The following MMRN2 variants were observed in gnomAD, a reference collection of about 807,000 sequenced individuals.
The protein encoded by MMRN2 is multimerin 2.
MMRN2 carries 53 observed loss-of-function variants against 68.8 expected under a neutral mutation model. The observed-to-expected ratio is 0.77, with a 90% CI of 0.62 to 0.97. The LOEUF (loss-of-function observed/expected upper bound fraction) is 0.97, where lower values mean the gene tolerates loss of function less well. MMRN2 is among the 50% of genes least tolerant of loss of function. MMRN2 has a pLI of 0.00. For missense variants in MMRN2, 1,266 were observed against 1,259.5 expected (o/e 1.01, Z -0.08); for synonymous variants, 564 against 551.6 (o/e 1.02, Z -0.32).
chr10:86,956,441 C>A (rs558701281), intron 1 of MMRN2, among the ~76,000 whole-genome samples: 2 of 152,216 alleles, frequency 1.3e-5, no homozygotes, highest in African/African-American at 4.8e-5. Context: ...TTGGCCCCCC[C>A]CTCACTCCCT....
intron 1 of MMRN2, among the ~76,000 whole-genome samples, chr10:86,946,099 C>T (rs544809525): frequency 5.9e-5 from 9 of 152,366 alleles, no homozygotes; most frequent in South Asian, 4.1e-4. Flanking sequence ...AGAAAGCTCT[C>T]GCTGTTTCTC....
In MMRN2 at chr10:86,936,907, G is replaced by C; in HGVS notation, c.2686C>G (p.Pro896Ala). The change falls in exon 7 of 7, where the codon CCA becomes GCA. Residue 896 changes from proline (P) to alanine (A), a missense_variant. Coordinates refer to ENST00000372027, the MANE Select transcript of MMRN2 (RefSeq NM_024756.3). The part of the protein sequence containing the change: ...QLVFGGHHRT[P>A]VCTTGQGSGS... ...CTCCCCTGCCCAGTGGTACAGACTGGAGTCCGATGGTGACCTCCAAACACC... is the reference window on the plus strand; with the variant it reads ...CTCCCCTGCCCAGTGGTACAGACTGCAGTCCGATGGTGACCTCCAAACACC... 1.9e-6 allele frequency: 3 copies of C among 1,614,230 alleles called. No individual in the cohort carries two copies. The highest frequency in any genetic ancestry group is 2.5e-6 in the Non-Finnish European group (3 of 1,180,032).
chr10:86,943,452 A>G lies in MMRN2; in HGVS notation c.1332T>C (p.Arg444=). 1 of 1,614,096 alleles carries G rather than the reference A, an allele frequency of 6.2e-7. No individual in the cohort carries two copies. The change falls in exon 6 of 7, where the codon CGT becomes CGC. Residue 444 remains arginine, a synonymous_variant. Coordinates refer to ENST00000372027, the MANE Select transcript of MMRN2 (RefSeq NM_024756.3). The surrounding 1 kb of genome is among the most constrained non-coding windows in gnomAD (Gnocchi z 4.2). ...TCTCCATCAGGATCACGCGCAGCTC[A>G]CGGAGCGCCGTGTGGTTCACCTGCA... ...EELQVNHTAL[R]ELRVILMEKS...
In MMRN2 at chr10:86,943,008, C is replaced by T. The variant is rs750323990; in HGVS notation, c.1776G>A (p.Leu592=). The T allele has an allele frequency of 4.3e-6, 6 of 1,411,366 alleles. No homozygotes were observed. The African/African-American group carries it at 7.6e-5, about 18-fold the overall frequency. The allele number at this position is 1,411,366 out of a possible 1,614,324, so 87.4% of individuals were successfully genotyped here. ...CCAGCAGGGCGGCGAAGGCGCTGTG[C>T]AGCTGGCGCACCTCGTGGCGGGCCT... ...AAEARHEVRQ[L]HSAFAALLED... The change falls in exon 6 of 7, where the codon CTG becomes CTA. Residue 592 remains leucine, a synonymous_variant. Transcript: ENST00000372027. This position sits in a 1 kb window ranked among gnomAD's most constrained non-coding sequence, Gnocchi z 4.2.
At chr10:86,942,076 G>C (rs1873992) in intron 6 of MMRN2, among the ~76,000 whole-genome samples, 3,119 of 152,282 alleles carry the variant, frequency 0.02, 108 homozygotes, top group African/African-American at 0.072. Flanking sequence ...TCCAGGCTAT[G>C]CCGCTCACGG....
At chr10:86,955,063 C>T (rs1039547241) in intron 1 of MMRN2, among the ~76,000 whole-genome samples, 5 of 152,216 alleles carry the variant, frequency 3.3e-5, no homozygotes, top group African/African-American at 1.2e-4. Flanking sequence ...ATCCCCTACA[C>T]GGCCACCCTC....
At position 86,942,528 on chromosome 10, in the gene MMRN2, G is replaced by A; in HGVS notation, c.2256C>T (p.His752=). ...RSLEQHQRLF[H]SLFGNFQGLM... ...GCCCTTGGAAGTTCCCAAAGAGGCT[G>A]TGGAAGAGCCGCTGGTGCTGCTCCA... is the stretch of plus-strand genomic sequence containing the variant. Residue 752 remains histidine (H), a synonymous_variant, in exon 6 of 7, where the codon CAC becomes CAT. Transcript: ENST00000372027. The A allele has an allele frequency of 1.2e-6, 2 of 1,613,790 alleles. No individual in the cohort carries two copies. Among genetic ancestry groups the A allele is most frequent in the South Asian group, 1.1e-5 (1 of 91,084 alleles).
chr10:86,941,838 CA>C (rs796814379), intron 6 of MMRN2, among the ~76,000 whole-genome samples: 15 of 29,378 alleles, frequency 5.1e-4, no homozygotes, highest in African/African-American at 1.1e-3. Context: ...AAAAAAAAAA[CA>C]AAAAAAAAAC....
In MMRN2 at chr10:86,936,941, G is replaced by A. The variant is rs61740815; in HGVS notation, c.2652C>T (p.Thr884=). 4,529 of 1,614,204 alleles carry A rather than the reference G, an allele frequency of 2.8e-3. 119 individuals carry two copies. In the African/African-American group the frequency reaches 0.054, roughly 19 times the overall value. Residue 884 remains threonine, a synonymous_variant, in exon 7 of 7, where the codon ACC becomes ACT. Transcript: ENST00000372027. Reference sequence around the variant, plus strand: ...GGTGACCTCCAAACACCAGCTGCCCGGTGCCTGGCCCTGGGCCAAATTCAA... The same window carrying A: ...GGTGACCTCCAAACACCAGCTGCCCAGTGCCTGGCCCTGGGCCAAATTCAA... ...VSVEFGPGPG[T]GQLVFGGHHR... is the part of the protein sequence containing the mutation.
In MMRN2 at chr10:86,936,330, GTCTT is replaced by G. The variant is rs1221581042; in HGVS notation, c.*409_*412del. The G allele has an allele frequency of 2.1e-5, 9 of 424,156 alleles. No homozygotes were observed. Among genetic ancestry groups the G allele is most frequent in the Non-Finnish European group, 3.7e-5 (9 of 240,940 alleles). 26.3% of individuals were successfully genotyped at this position (424,156 alleles called of 1,614,324 possible). On this transcript the variant is annotated 3_prime_UTR_variant, in exon 7 of 7. Coordinates refer to ENST00000372027, the MANE Select transcript of MMRN2 (RefSeq NM_024756.3). ...TTAAACATTCCTCCTGGGGAAGAATGTCTTTCTATCATACGATAAGGGAGAAGAG... is the reference window on the plus strand; with the variant it reads ...TTAAACATTCCTCCTGGGGAAGAATGTCTATCATACGATAAGGGAGAAGAG...
In MMRN2 at chr10:86,936,556, C is replaced by A; in HGVS notation, c.*187G>T. 1 of 678,052 alleles carries A rather than the reference C, an allele frequency of 1.5e-6. No homozygotes were observed. Among genetic ancestry groups the A allele is most frequent in the South Asian group, 1.9e-5 (1 of 53,158 alleles). The allele number at this position is 678,052 out of a possible 1,614,324, so 42.0% of individuals were successfully genotyped here. ...TGCCCGGAGAAGCATTCCAGTCCTTCTCATCATGGAGAAATGGCCAAGCCC... is the reference window on the plus strand; with the variant it reads ...TGCCCGGAGAAGCATTCCAGTCCTTATCATCATGGAGAAATGGCCAAGCCC... On this transcript the variant is annotated 3_prime_UTR_variant, in exon 7 of 7. Transcript: ENST00000372027.
chr10:86,939,335 G>C (rs894266757), intron 6 of MMRN2, among the ~76,000 whole-genome samples: 9 of 145,926 alleles, frequency 6.2e-5, no homozygotes, highest in African/African-American at 2.3e-4. Flanking sequence ...GGTGGCAGGC[G>C]CCTGTAATCC....
intron 1 of MMRN2, among the ~76,000 whole-genome samples, chr10:86,952,573 C>T (rs1308550444): frequency 2.0e-5 from 3 of 152,168 alleles, no homozygotes; most frequent in African/African-American, 7.2e-5. Flanking sequence ...GCAAAACCAG[C>T]AGGTTTTTAT....
rs1564733109 is a variant in MMRN2 at position 86,945,699 on chromosome 10, A to C, written c.165-10T>G. 5 of 1,613,910 alleles carry C rather than the reference A, an allele frequency of 3.1e-6. No homozygotes were observed. Among genetic ancestry groups the C allele is most frequent in the Non-Finnish European group, 4.2e-6 (5 of 1,179,998 alleles). On this transcript the variant is annotated splice_polypyrimidine_tract_variant and intron_variant, in intron 1 of 6. Transcript: ENST00000372027. ...GTAGGGGCACCAGTTACTGGAAAAC[A>C]AGCCAGAGGAGAAGGCTGCTGAGCC... is the stretch of plus-strand genomic sequence containing the variant.
intron 1 of MMRN2, among the ~76,000 whole-genome samples, chr10:86,950,575 G>C (rs552608256): frequency 2.6e-5 from 4 of 152,264 alleles, no homozygotes; most frequent in African/African-American, 9.6e-5. Context: ...AGAGCCTCCA[G>C]AATGACAATG....
At chr10:86,945,747 C>G in intron 1 of MMRN2, 58 bp from the exon 2 acceptor site, 1 of 1,610,858 alleles carries the variant, frequency 6.2e-7, no homozygotes, top group Non-Finnish European at 8.5e-7. Flanking sequence ...ACAGGGGGTG[C>G]CAGTGCAGAG....
chr10:86,955,897 C>A (rs899738153), intron 1 of MMRN2, among the ~76,000 whole-genome samples: 1 of 152,148 alleles, frequency 6.6e-6, no homozygotes, highest in African/African-American at 2.4e-5. Context: ...AGAAGGACTG[C>A]GGGGCCCCTG....
chr10:86,954,501 C>T (rs951439761), intron 1 of MMRN2, among the ~76,000 whole-genome samples: 8 of 151,986 alleles, frequency 5.3e-5, no homozygotes, highest in African/African-American at 1.7e-4. Context: ...AGGGGGAGGG[C>T]GCATCCATTA....
intron 1 of MMRN2, 185 bp from the exon 2 acceptor site, chr10:86,945,874 T>C: frequency 1.4e-6 from 2 of 1,424,186 alleles, no homozygotes; most frequent in Non-Finnish European, 1.8e-6. Flanking sequence ...TCACAATCCC[T>C]ACCTGCAAAG....
Sources: gnomAD v4.1 joint callset for allele counts (sites outside exome capture counted in the v4.1 genomes callset) on GRCh38, gnomAD v4.1.1 for gene constraint, Gnocchi (gnomAD v3.1) non-coding constraint, MANE v1.5 for transcripts, NCBI Gene and HGNC (gene_info 2026-07-23, HGNC 2026-07-21) for gene names.